The following HSPA12B variants were observed in gnomAD, a reference collection of about 807,000 sequenced individuals.
HSPA12B encodes the protein heat shock protein family A (Hsp70) member 12B, also known as heat shock 70 kDa protein 12B.
HSPA12B carries 54 observed loss-of-function variants against 69.3 expected under a neutral mutation model. The observed-to-expected ratio is 0.78, with a 90% CI of 0.63 to 0.98. The LOEUF (loss-of-function observed/expected upper bound fraction) is 0.98. HSPA12B is among the 50% of genes least tolerant of loss of function. The probability of loss-of-function intolerance (pLI) is 0.00; values close to 1 mark genes in which losing one functional copy is unlikely to be tolerated. For synonymous variants in HSPA12B, 441 were observed against 436.5 expected (o/e 1.01, Z -0.13); for missense variants, 929 against 999.8 (o/e 0.93, Z 0.96).
intron 7 of HSPA12B, 95 bp from the exon 8 acceptor site, chr20:3,748,121 TG>T (rs1302518422): frequency 2.7e-6 from 3 of 1,104,576 alleles, no homozygotes; most frequent in African/African-American, 3.2e-5. Context: ...GAGGAGGAGG[TG>T]GGAGCCCCAC....
chr20:3,743,371 T>C (rs2088241322), intron 4 of HSPA12B, among the ~76,000 whole-genome samples: 1 of 151,824 alleles, frequency 6.6e-6, no homozygotes, highest in African/African-American at 2.4e-5. Flanking sequence ...AAAAAAATTT[T>C]TTTTTGGAGA....
At position 3,750,889 on chromosome 20, in the gene HSPA12B, G is replaced by A. The variant is rs765172268; in HGVS notation, c.1387G>A (p.Gly463Arg). Residue 463 changes from glycine (G) to arginine (R), a missense_variant, in exon 12 of 13, where the codon GGG (glycine) becomes AGG (arginine). Transcript: ENST00000254963. The part of the protein sequence containing the change: ...MNELFQPTVS[G>R]IIQHIEALLA... ...CGAGCTCTTTCAGCCCACCGTCAGC[G>A]GGATCATCCAGCACATAGGTGAGCA... is the stretch of plus-strand genomic sequence containing the variant. 5.6e-6 allele frequency: 9 copies of A among 1,613,842 alleles called. No individual in the cohort carries two copies. Among genetic ancestry groups the A allele is most frequent in the South Asian group, 3.3e-5 (3 of 91,088 alleles).
intron 1 of HSPA12B, 61 bp from the exon 2 acceptor site, chr20:3,738,597 T>A (rs2088143931): frequency 6.8e-7 from 1 of 1,481,448 alleles, no homozygotes; most frequent in East Asian, 2.3e-5. Context: ...TAAATAAGCA[T>A]TCAGATGAGG....
intron 4 of HSPA12B, among the ~76,000 whole-genome samples, chr20:3,743,294 C>T (rs1375437119): frequency 6.6e-6 from 1 of 151,446 alleles, no homozygotes; most frequent in Non-Finnish European, 1.5e-5. Flanking sequence ...AGCAATCCTC[C>T]CACTTCAGCC....
chr20:3,738,834 G>A, intron 2 of HSPA12B, 117 bp downstream of exon 2: 1 of 983,106 alleles, frequency 1.0e-6, no homozygotes, highest in Non-Finnish European at 1.6e-6. Flanking sequence ...CAGCTCTTCT[G>A]TGAGTGAGTG....
Position 3,745,848 on chromosome 20 carries a change from C to A in HSPA12B, c.559-67C>A. The A allele has an allele frequency of 7.3e-7, 1 of 1,365,076 alleles. No individual in the cohort carries two copies. Among genetic ancestry groups the A allele is most frequent in the Non-Finnish European group, 1.0e-6 (1 of 953,064 alleles). 84.6% of individuals were successfully genotyped at this position (1,365,076 alleles called of 1,614,324 possible). A position where few individuals can be genotyped will look rare whatever the true frequency, so the allele number is the denominator to read the frequency against. On this transcript the variant is annotated intron_variant, in intron 6 of 12. Transcript: ENST00000254963. The surrounding 1 kb of genome is among the most constrained non-coding windows in gnomAD (Gnocchi z 5.6). ...TGTGATTTGATTAGTACCTCCAGTT[C>A]CGCAGAGGGCTGAAGACCACCCTCC...
intron 3 of HSPA12B, among the ~76,000 whole-genome samples, chr20:3,741,842 C>T (rs992730754): frequency 6.6e-6 from 1 of 152,210 alleles, no homozygotes; most frequent in Non-Finnish European, 1.5e-5. Flanking sequence ...CAGAATCAGA[C>T]AGTCTGGTTT....
At position 3,737,483 on chromosome 20, in the gene HSPA12B, C is replaced by T. The variant is rs1343693353; in HGVS notation, c.-17-1175C>T. On this transcript the variant is annotated intron_variant, in intron 1 of 12. Transcript: ENST00000254963. This position sits in a 1 kb window ranked among gnomAD's most constrained non-coding sequence, Gnocchi z 4.1. Reference sequence around the variant, plus strand: ...TAAGAAAAGAAGTTCTAGCTCATGTCACCTCTTGCTCACTCCTCACCTAAG... The same window carrying T: ...TAAGAAAAGAAGTTCTAGCTCATGTTACCTCTTGCTCACTCCTCACCTAAG... Among the ~76,000 whole-genome samples the T allele has an allele frequency of 6.6e-6, 1 of 151,906 alleles. No homozygotes were observed. The highest frequency in any genetic ancestry group is 1.5e-5 in the Non-Finnish European group (1 of 67,976).
chr20:3,746,602 A>C (rs2088311795), intron 7 of HSPA12B, among the ~76,000 whole-genome samples: 3 of 152,120 alleles, frequency 2.0e-5, no homozygotes, highest in Admixed American at 6.5e-5. Flanking sequence ...GCGCCCGGCC[A>C]AGATGGAGAG....
In HSPA12B at chr20:3,751,276, T is replaced by A. The variant is rs113430229; in HGVS notation, c.1406-235T>A. 8.1e-6 allele frequency: 8 copies of A among 985,472 alleles called. 2 individuals are homozygous for A. The African/African-American group carries it at 1.4e-4, about 17-fold the overall frequency. The allele number at this position is 985,472 out of a possible 1,614,324, so 61.0% of individuals were successfully genotyped here. On this transcript the variant is annotated intron_variant, in intron 12 of 12. Coordinates refer to ENST00000254963, the MANE Select transcript of HSPA12B (RefSeq NM_052970.5). ...AAATGCATATCCTTATCTCTCGTCC[T>A]CCACGTCGTGGTGGGAGAGAAGTGG...
intron 7 of HSPA12B, among the ~76,000 whole-genome samples, chr20:3,747,126 G>A (rs897411791): frequency 8.5e-5 from 13 of 152,246 alleles, no homozygotes; most frequent in African/African-American, 2.6e-4. Context: ...AGGAGTTGGG[G>A]GGGGCTCCCG....
chr20:3,742,701 C>CT (rs36044324), intron 4 of HSPA12B, among the ~76,000 whole-genome samples: 30,003 of 142,992 alleles, frequency 0.21, 3,344 homozygotes, highest in African/African-American at 0.26. Context: ...TTTTATTTTC[C>CT]TTTTTTTTTT....
Position 3,749,162 on chromosome 20 carries a change from G to A in HSPA12B, c.851-70G>A, listed in dbSNP as rs1408257647. ...TGCCCATGGAGGTCCTGGGCAGGAG[G>A]ATGGGAGTTGAACGCCATAGCTGGA... On this transcript the variant is annotated intron_variant, in intron 8 of 12. Transcript: ENST00000254963. This position sits in a 1 kb window ranked among gnomAD's most constrained non-coding sequence, Gnocchi z 5.5. 7 of 1,364,922 alleles carry A rather than the reference G, an allele frequency of 5.1e-6. No homozygotes were observed. The Admixed American group carries it at 1.1e-4, about 22-fold the overall frequency. The allele number at this position is 1,364,922 out of a possible 1,614,324, so 84.6% of individuals were successfully genotyped here. A position where few individuals can be genotyped will look rare whatever the true frequency, so the allele number is the denominator to read the frequency against.
At chr20:3,733,962 A>G (rs1175188072) in intron 1 of HSPA12B, among the ~76,000 whole-genome samples, 5 of 152,218 alleles carry the variant, frequency 3.3e-5, no homozygotes, top group African/African-American at 1.2e-4. Context: ...ATGAGCGCCC[A>G]GCTGAAACAC....
In HSPA12B at chr20:3,752,338, A is replaced by G. The variant is rs922848849; in HGVS notation, c.*172A>G. On this transcript the variant is annotated 3_prime_UTR_variant, in exon 13 of 13. Coordinates refer to ENST00000254963, the MANE Select transcript of HSPA12B (RefSeq NM_052970.5). ...TGGGAGAGTGGGTGGGGACACACCC[A>G]GAGACTGGCTTTGGGATTGGGCACT... 31 of 607,656 alleles carry G rather than the reference A, an allele frequency of 5.1e-5. No homozygotes were observed. The highest frequency in any genetic ancestry group is 7.7e-6 in the Non-Finnish European group (3 of 388,158). 37.6% of individuals were successfully genotyped at this position (607,656 alleles called of 1,614,324 possible).
Position 3,751,639 on chromosome 20 carries a change from G to A in HSPA12B, c.1534G>A (p.Val512Ile). The A allele has an allele frequency of 6.5e-7, 1 of 1,526,836 alleles. No individual in the cohort carries two copies. Among genetic ancestry groups the A allele is most frequent in the South Asian group, 1.2e-5 (1 of 82,748 alleles). The allele number at this position is 1,526,836 out of a possible 1,614,324, so 94.6% of individuals were successfully genotyped here. A position where few individuals can be genotyped will look rare whatever the true frequency, so the allele number is the denominator to read the frequency against. The change falls in exon 13 of 13, where the codon GTC becomes ATC. Residue 512 changes from valine to isoleucine, a missense_variant. Physicochemically the swap from Val to Ile is conservative, Grantham distance 29. Coordinates refer to ENST00000254963, the MANE Select transcript of HSPA12B (RefSeq NM_052970.5). ...GGGCGCCCGCGGTCTGCGTGTCGTG[G>A]TCCCGCACGACGTGGGCCTCACCAT... ...ALGARGLRVV[V>I]PHDVGLTILK...
Position 3,749,956 on chromosome 20 carries a change from T to A in HSPA12B, c.1043-13T>A. On this transcript the variant is annotated splice_polypyrimidine_tract_variant and intron_variant, in intron 10 of 12. Transcript: ENST00000254963. This position sits in a 1 kb window ranked among gnomAD's most constrained non-coding sequence, Gnocchi z 5.5. ...GAGCGCTGACGCCCTCTTCGCCCCCTGCTCCACCCCAGGGGGCCCTTATGG... is the reference window on the plus strand; with the variant it reads ...GAGCGCTGACGCCCTCTTCGCCCCCAGCTCCACCCCAGGGGGCCCTTATGG... The A allele has an allele frequency of 6.4e-7, 1 of 1,554,488 alleles. No individual in the cohort carries two copies. Among genetic ancestry groups the A allele is most frequent in the Non-Finnish European group, 8.7e-7 (1 of 1,147,262 alleles).
intron 1 of HSPA12B, among the ~76,000 whole-genome samples, chr20:3,734,731 AAC>A (rs2146549371): frequency 7.3e-6 from 1 of 137,790 alleles, no homozygotes; most frequent in Admixed American, 7.7e-5. Flanking sequence ...CTCCTTCTTT[AAC>A]ACAATTTTTT....
Position 3,745,431 on chromosome 20 carries a change from GGTC to G in HSPA12B, c.454-58_454-56del, listed in dbSNP as rs1166205411. 6.1e-5 allele frequency: 72 copies of G among 1,172,278 alleles called. 1 individual carries two copies. In the South Asian group the frequency reaches 7.9e-4, roughly 13 times the overall value. 72.6% of individuals were successfully genotyped at this position (1,172,278 alleles called of 1,614,324 possible). A position where few individuals can be genotyped will look rare whatever the true frequency, so the allele number is the denominator to read the frequency against. On this transcript the variant is annotated intron_variant, in intron 5 of 12. Coordinates refer to ENST00000254963, the MANE Select transcript of HSPA12B (RefSeq NM_052970.5). The surrounding 1 kb of genome is among the most constrained non-coding windows in gnomAD (Gnocchi z 5.6). The stretch of plus-strand genomic sequence containing the variant: ...GGAAACGGGGTGATTTTAAGAGCGA[GGTC>G]GTCAGGAAATGAGTGCCAAGCTGAG...
Sources: allele counts gnomAD v4.1 joint callset (sites outside exome capture counted in the v4.1 genomes callset), GRCh38; gene constraint gnomAD v4.1.1; non-coding constraint Gnocchi (gnomAD v3.1); transcripts MANE v1.5; gene names NCBI Gene and HGNC (gene_info 2026-07-23, HGNC 2026-07-21).